ANK3: variants seen among roughly 807,000 people sequenced by gnomAD.
ANK3 encodes ankyrin-3.
In ANK3, 57 loss-of-function variants were observed where a neutral mutation model predicts 370.9. That is an observed-to-expected ratio of 0.15 (90% CI 0.12 to 0.19). The LOEUF is 0.19. Among genes scored for constraint, ANK3 ranks in the 10% least tolerant of loss-of-function variants. The probability of loss-of-function intolerance (pLI) is 1.00; values close to 1 mark genes in which losing one functional copy is unlikely to be tolerated. For synonymous variants in ANK3, 1,929 were observed against 1,946.3 expected (o/e 0.99, Z 0.23); for missense variants, 4,439 against 5,302.1 (o/e 0.84, Z 5.06).
intron 29 of ANK3, 143 bp downstream of exon 29, chr10:60,088,004 T>C: frequency 1.5e-6 from 1 of 685,886 alleles, no homozygotes; most frequent in South Asian, 1.8e-5. Flanking sequence ...ACTTGATGCT[T>C]TTTATCTGAA....
intron 1 of ANK3, among the ~76,000 whole-genome samples, chr10:60,651,868 C>T (rs893800221): frequency 2.0e-5 from 3 of 152,104 alleles, no homozygotes; most frequent in Admixed American, 2.0e-4. Context: ...GCACTCTGAC[C>T]TCTCACACAC....
At chr10:60,105,331 G>A (rs1469874488) in intron 28 of ANK3, among the ~76,000 whole-genome samples, 1 of 152,050 alleles carries the variant, frequency 6.6e-6, no homozygotes, top group East Asian at 1.9e-4. Context: ...GCCTGAAGAA[G>A]TTGTGTATGA....
At chr10:60,599,929 G>A (rs541978670) in intron 2 of ANK3, among the ~76,000 whole-genome samples, 8 of 152,020 alleles carry the variant, frequency 5.3e-5, no homozygotes, top group South Asian at 2.1e-4. Flanking sequence ...GTTTTGTTTC[G>A]TTTTGTTTTC....
chr10:60,441,856 A>G (rs1294823553), intron 2 of ANK3, among the ~76,000 whole-genome samples: 1 of 152,120 alleles, frequency 6.6e-6, no homozygotes, highest in African/African-American at 2.4e-5. Flanking sequence ...AACCAAGAGA[A>G]TTTGGGATAT....
chr10:60,417,432 C>T (rs559325229), intron 2 of ANK3, among the ~76,000 whole-genome samples: 5 of 152,156 alleles, frequency 3.3e-5, no homozygotes, highest in Non-Finnish European at 5.9e-5. Context: ...AGCTAGTTTA[C>T]TAGTGCAGGC....
At chr10:60,058,412 C>G (rs1038398145) in intron 41 of ANK3, among the ~76,000 whole-genome samples, 11 of 149,230 alleles carry the variant, frequency 7.4e-5, no homozygotes, top group Admixed American at 6.6e-5. Context: ...TGGGTAAAGA[C>G]AAATGTTCAT....
At chr10:60,309,922 CTTTT>C (rs71015785) in intron 1 of ANK3, among the ~76,000 whole-genome samples, 2 of 134,262 alleles carry the variant, frequency 1.5e-5, no homozygotes, top group African/African-American at 2.7e-5. Context: ...TTTCTTTTTT[CTTTT>C]TTTTTTTTTT....
At chr10:60,146,161 G>A (rs2094812966) in intron 23 of ANK3, 1 of 1,248,342 alleles carries the variant, frequency 8.0e-7, no homozygotes, top group East Asian at 2.6e-5. Flanking sequence ...ATACGAAGAT[G>A]TGTTTGTGTA....
chr10:60,458,862 CCTTA>C (rs1404867574), intron 2 of ANK3, among the ~76,000 whole-genome samples: 2 of 151,986 alleles, frequency 1.3e-5, no homozygotes, highest in African/African-American at 2.4e-5. Flanking sequence ...AAGTGAGAAG[CCTTA>C]CTTACGCTAT....
Position 60,327,785 on chromosome 10 carries a change from A to T in ANK3, c.115-48146T>A, listed in dbSNP as rs955436228. On this transcript the variant is annotated intron_variant, in intron 1 of 43. Coordinates refer to ENST00000280772, the MANE Select transcript of ANK3 (RefSeq NM_020987.5). ...TCATCAGAATTAACAGGTCAGATTT[A>T]AAAAATGCCAGTTCTCTAGGGCCAC... Among the ~76,000 whole-genome samples the T allele has an allele frequency of 7.2e-5, 11 of 152,208 alleles. No homozygotes were observed. In the South Asian group the frequency reaches 8.3e-4, roughly 11 times the overall value.
At chr10:60,309,475 A>G (rs1399315347) in intron 1 of ANK3, among the ~76,000 whole-genome samples, 2 of 152,132 alleles carry the variant, frequency 1.3e-5, no homozygotes, top group Non-Finnish European at 2.9e-5. Context: ...GGCTTGGAGG[A>G]TTTTGAAAAT....
chr10:60,469,682 G>T (rs2065165669), intron 2 of ANK3, among the ~76,000 whole-genome samples: 1 of 77,584 alleles, frequency 1.3e-5, no homozygotes, highest in African/African-American at 4.8e-5. Flanking sequence ...TATATATATG[G>T]TGGTATATAT....
At chr10:60,675,377 C>A (rs1353348809) in intron 1 of ANK3, among the ~76,000 whole-genome samples, 1 of 152,164 alleles carries the variant, frequency 6.6e-6, no homozygotes, top group African/African-American at 2.4e-5. Context: ...TCACTTCTTC[C>A]ACCCATCTTC....
intron 42 of ANK3, chr10:60,053,541 C>A: frequency 1.6e-6 from 1 of 622,108 alleles, no homozygotes; most frequent in Non-Finnish European, 2.3e-6. Context: ...GAGGAAGAAT[C>A]TCAGGCTCAG....
At chr10:60,514,509 T>C (rs1008404108) in intron 2 of ANK3, among the ~76,000 whole-genome samples, 1 of 152,152 alleles carries the variant, frequency 6.6e-6, no homozygotes, top group Non-Finnish European at 1.5e-5. Context: ...TTCTGTTCTT[T>C]ACATTAATCT....
chr10:60,027,099 A>G lies in ANK3; in HGVS notation c.*2747T>C, dbSNP rs1021087296. 1.3e-5 allele frequency: 2 copies of G among 152,130 alleles called. No homozygotes were observed. The highest frequency in any genetic ancestry group is 2.9e-5 in the Non-Finnish European group (2 of 68,026). The allele number at this position is 152,130 out of a possible 1,614,324, so 9.4% of individuals were successfully genotyped here. On this transcript the variant is annotated 3_prime_UTR_variant, in exon 44 of 44. Coordinates refer to ENST00000280772, the MANE Select transcript of ANK3 (RefSeq NM_020987.5). ...ATCGGAACCAAAGCATATCACATATACCTAAAGTCAAATTTTTGGGCATAT... is the reference window on the plus strand; with the variant it reads ...ATCGGAACCAAAGCATATCACATATGCCTAAAGTCAAATTTTTGGGCATAT...
At chr10:60,271,077 A>AT (rs1238616711) in intron 4 of ANK3, among the ~76,000 whole-genome samples, 4 of 152,100 alleles carry the variant, frequency 2.6e-5, no homozygotes, top group South Asian at 4.1e-4. Context: ...TTGTATATAT[A>AT]TTTTTTCTCT....
At chr10:60,471,251 G>A (rs961718639) in intron 2 of ANK3, among the ~76,000 whole-genome samples, 1 of 152,086 alleles carries the variant, frequency 6.6e-6, no homozygotes, top group South Asian at 2.1e-4. Flanking sequence ...AAAGCCAAGA[G>A]TTCTTGCGCA....
At chr10:60,387,590 T>C (rs1336407644) in intron 1 of ANK3, among the ~76,000 whole-genome samples, 1 of 152,220 alleles carries the variant, frequency 6.6e-6, no homozygotes, top group Non-Finnish European at 1.5e-5. Flanking sequence ...TTTTAGGATC[T>C]ACTCTGTGAG....
Sources: allele counts gnomAD v4.1 joint callset (sites outside exome capture counted in the v4.1 genomes callset), GRCh38; gene constraint gnomAD v4.1.1; transcripts MANE v1.5; gene names NCBI Gene and HGNC (gene_info 2026-07-23, HGNC 2026-07-21).